The following RPS6KC1 variants were observed in gnomAD, a reference collection of about 807,000 sequenced individuals.
RPS6KC1 encodes the protein inactive ribosomal protein S6 kinase delta-1.
Under a neutral mutation model 103.8 loss-of-function variants are expected in RPS6KC1, and 54 were observed. The ratio of observed to expected loss-of-function variants is 0.52; its 90% CI spans 0.42 to 0.65. The LOEUF (loss-of-function observed/expected upper bound fraction) is 0.65. Ranked by LOEUF, RPS6KC1 falls within the 30% of genes least tolerant of loss-of-function variation. The pLI, the probability that RPS6KC1 is intolerant of heterozygous loss-of-function variation, is 0.00. For synonymous variants in RPS6KC1, 439 were observed against 438.7 expected, an observed-to-expected ratio of 1.00 and a Z score of -0.01; for missense variants, 1,151 against 1,253.8, an observed-to-expected ratio of 0.92 and a Z score of 1.24.
At chr1:213,128,534 C>G (rs932893585) in intron 5 of RPS6KC1, among the ~76,000 whole-genome samples, 1 of 152,068 alleles carries the variant, frequency 6.6e-6, no homozygotes, top group African/African-American at 2.4e-5. Flanking sequence ...TGCTCATTTA[C>G]CATGATGTCA....
chr1:213,507,194 A>G, the RPS6KC1 span, among the ~76,000 whole-genome samples: 330 of 152,306 alleles, frequency 2.2e-3, 2 homozygotes, highest in South Asian at 9.3e-3. Flanking sequence ...GTTCAGTCAC[A>G]TTTTAGGATC....
chr1:213,353,411 A>G, the RPS6KC1 span, among the ~76,000 whole-genome samples: 1 of 152,256 alleles, frequency 6.6e-6, no homozygotes, highest in African/African-American at 2.4e-5. Context: ...CTAATTTTAT[A>G]GAAGAGGCAA....
At chr1:213,557,238 C>T in the RPS6KC1 span, among the ~76,000 whole-genome samples, 1 of 152,188 alleles carries the variant, frequency 6.6e-6, no homozygotes, top group Non-Finnish European at 1.5e-5. Flanking sequence ...CCTCTCCACC[C>T]CCACTTTCTA....
chr1:213,120,362 A>G (rs1186588718), intron 5 of RPS6KC1, among the ~76,000 whole-genome samples: 1 of 152,200 alleles, frequency 6.6e-6, no homozygotes, highest in Non-Finnish European at 1.5e-5. Flanking sequence ...ATACAGATAG[A>G]TCAAAGTGTC....
At chr1:213,156,591 G>A (rs1423033555) in intron 6 of RPS6KC1, among the ~76,000 whole-genome samples, 1 of 152,080 alleles carries the variant, frequency 6.6e-6, no homozygotes, top group African/African-American at 2.4e-5. Context: ...TTAACAGCAG[G>A]CAGAAGAAAA....
At chr1:213,430,796 C>T in the RPS6KC1 span, among the ~76,000 whole-genome samples, 1 of 152,240 alleles carries the variant, frequency 6.6e-6, no homozygotes, top group Non-Finnish European at 1.5e-5. Flanking sequence ...GAGTAATTTT[C>T]CTGTTCTCAT....
At chr1:213,319,456 T>G in the RPS6KC1 span, among the ~76,000 whole-genome samples, 1 of 152,108 alleles carries the variant, frequency 6.6e-6, no homozygotes, top group Non-Finnish European at 1.5e-5. Context: ...GTAAATGAAG[T>G]CCTTAGCTTG....
the RPS6KC1 span, among the ~76,000 whole-genome samples, chr1:213,384,283 A>AT: frequency 3.7e-3 from 541 of 145,174 alleles, no homozygotes; most frequent in African/African-American, 5.6e-3. Flanking sequence ...CTCAAAAAAA[A>AT]ATATATATAT....
intron 6 of RPS6KC1, among the ~76,000 whole-genome samples, chr1:213,143,335 G>A (rs2087302147): frequency 6.6e-6 from 1 of 151,382 alleles, no homozygotes; most frequent in South Asian, 2.1e-4. Context: ...CTGGATTTTG[G>A]TTATTTGTTA....
the RPS6KC1 span, among the ~76,000 whole-genome samples, chr1:213,339,156 C>T: frequency 1.6e-3 from 243 of 152,212 alleles, 2 homozygotes; most frequent in South Asian, 0.021. Flanking sequence ...CCTAGCTACT[C>T]AGGAGGCTGA....
the RPS6KC1 span, among the ~76,000 whole-genome samples, chr1:213,477,360 T>C: frequency 3.2e-4 from 49 of 151,872 alleles, no homozygotes; most frequent in East Asian, 8.9e-3. Flanking sequence ...ATTTTTTTTT[T>C]TTATCTATTT....
chr1:213,599,049 G>A, the RPS6KC1 span, among the ~76,000 whole-genome samples: 2 of 152,008 alleles, frequency 1.3e-5, no homozygotes, highest in East Asian at 1.9e-4. Flanking sequence ...ATCTAGTGAC[G>A]TCTTAGATTA....
chr1:213,462,578 A>C, the RPS6KC1 span, among the ~76,000 whole-genome samples: 3 of 152,252 alleles, frequency 2.0e-5, no homozygotes, highest in African/African-American at 7.2e-5. Flanking sequence ...GCAGCCATAA[A>C]AAAGGATGAG....
At chr1:213,299,211 C>T in the RPS6KC1 span, among the ~76,000 whole-genome samples, 1 of 152,184 alleles carries the variant, frequency 6.6e-6, no homozygotes, top group South Asian at 2.1e-4. Flanking sequence ...GCAGAAATCA[C>T]ATAACTGCCA....
the RPS6KC1 span, among the ~76,000 whole-genome samples, chr1:213,725,185 A>G: frequency 6.6e-6 from 1 of 152,208 alleles, no homozygotes; most frequent in Non-Finnish European, 1.5e-5. Flanking sequence ...TTTCCCAACA[A>G]TTGTAACTCA....
chr1:213,851,816 T>A, the RPS6KC1 span, among the ~76,000 whole-genome samples: 1 of 152,076 alleles, frequency 6.6e-6, no homozygotes, highest in Non-Finnish European at 1.5e-5. Flanking sequence ...CAAACCAGCG[T>A]GGGAGCCACC....
chr1:213,151,200 C>T (rs1321406904), intron 6 of RPS6KC1, among the ~76,000 whole-genome samples: 9 of 136,360 alleles, frequency 6.6e-5, no homozygotes, highest in East Asian at 2.4e-4. Context: ...CCGGATGGGG[C>T]GGCTGGCCAG....
the RPS6KC1 span, among the ~76,000 whole-genome samples, chr1:213,737,656 A>T: frequency 6.6e-6 from 1 of 152,220 alleles, no homozygotes; most frequent in Admixed American, 6.5e-5. Flanking sequence ...GGCAAGGTTA[A>T]TGTGGACAAG....
chr1:213,553,042 G>A, the RPS6KC1 span, among the ~76,000 whole-genome samples: 1 of 151,556 alleles, frequency 6.6e-6, no homozygotes, highest in South Asian at 2.1e-4. Flanking sequence ...AGGGGTACAT[G>A]TGCATGTTTG....
Sources: gnomAD v4.1 joint callset for allele counts (sites outside exome capture counted in the v4.1 genomes callset) on GRCh38, gnomAD v4.1.1 for gene constraint, MANE v1.5 for transcripts, NCBI Gene and HGNC (gene_info 2026-07-23, HGNC 2026-07-21) for gene names.